Variants in GMPPA observed in about 807,000 individuals in gnomAD.
GMPPA encodes the protein GDP-mannose pyrophosphorylase A, also known as mannose-1-phosphate guanylyltransferase regulatory subunit alpha.
In GMPPA, 46 loss-of-function variants were observed where a neutral mutation model predicts 58.6. The observed-to-expected ratio is 0.78, with a 90% CI of 0.62 to 1.00. The LOEUF (loss-of-function observed/expected upper bound fraction) is 1.00. GMPPA is among the 50% of genes least tolerant of loss of function. The probability of loss-of-function intolerance (pLI) is 0.00; values close to 1 mark genes in which losing one functional copy is unlikely to be tolerated. For missense variants in GMPPA, 468 were observed against 556.4 expected (o/e 0.84, Z 1.60); for synonymous variants, 211 against 214.9 (o/e 0.98, Z 0.16).
In GMPPA at chr2:219,505,766, G is replaced by C. The variant is rs1694564593; in HGVS notation, c.900+5G>C. 1.3e-6 allele frequency: 2 copies of C among 1,598,996 alleles called. No individual in the cohort carries two copies. Among genetic ancestry groups the C allele is most frequent in the African/African-American group, 2.7e-5 (2 of 74,836 alleles). ...AAGGTGGCCCCCTCGGCTGTGGTGA[G>C]CACTGGTCCCAGCCCCAGGGAGGGA... is the stretch of plus-strand genomic sequence containing the variant. On this transcript the variant is annotated splice_donor_5th_base_variant and intron_variant, in intron 10 of 12. Coordinates refer to ENST00000313597, the MANE Select transcript of GMPPA (RefSeq NM_013335.4).
In GMPPA at chr2:219,501,565, T is replaced by A; in HGVS notation, c.228T>A (p.Phe76Leu). 1 of 1,606,466 alleles carries A rather than the reference T, an allele frequency of 6.2e-7. No homozygotes were observed. The highest frequency in any genetic ancestry group is 1.3e-5 in the African/African-American group (1 of 74,896). ...TCCTAGAAGCCGCCCAGCAGGAGTTTAACCTTCCAGTCAGGTGTTTGTGCA... is the reference window on the plus strand; with the variant it reads ...TCCTAGAAGCCGCCCAGCAGGAGTTAAACCTTCCAGTCAGGTGTTTGTGCA... ...TQFLEAAQQE[F>L]NLPVRYLQEF... is the part of the protein sequence containing the mutation. The change falls in exon 4 of 13, where the codon TTT becomes TTA. Residue 76 changes from phenylalanine to leucine, a missense_variant. Transcript: ENST00000313597.
In GMPPA at chr2:219,505,518, G is replaced by A. The variant is rs369505327; in HGVS notation, c.816G>A (p.Arg272=). 50 of 1,572,630 alleles carry A rather than the reference G, an allele frequency of 3.2e-5. No individual in the cohort carries two copies. In the Middle Eastern group the frequency reaches 5.0e-4, roughly 16 times the overall value. Residue 272 remains arginine, a synonymous_variant, in exon 9 of 13, where the codon CGG becomes CGA. Coordinates refer to ENST00000313597, the MANE Select transcript of GMPPA (RefSeq NM_013335.4). The stretch of plus-strand genomic sequence containing the variant: ...GATACCAGGACACTCACCCAGAACG[G>A]CTGGCCAAGCACACCCCAGGGGGCC... ...LSRYQDTHPE[R]LAKHTPGGPW... is the part of the protein sequence containing the mutation.
chr2:219,500,127 G>C lies in GMPPA; in HGVS notation c.47G>C (p.Arg16Pro). The C allele has an allele frequency of 6.2e-7, 1 of 1,604,980 alleles. No individual in the cohort carries two copies. The highest frequency in any genetic ancestry group is 8.5e-7 in the Non-Finnish European group (1 of 1,174,614). Residue 16 changes from arginine (R) to proline (P), a missense_variant, in exon 3 of 13, where the codon CGC becomes CCC. Coordinates refer to ENST00000313597, the MANE Select transcript of GMPPA (RefSeq NM_013335.4). ...CTCCTCTCTCCTCTCCCAGGAACTC[G>C]CTTCAGACCTTTGTCTTTTGAGGTG... is the stretch of plus-strand genomic sequence containing the variant. ...ILIGGPQKGT[R>P]FRPLSFEVPK...
chr2:219,502,455 G>C lies in GMPPA; in HGVS notation c.489+14G>C, dbSNP rs369333044. On this transcript the variant is annotated intron_variant, in intron 6 of 12. Transcript: ENST00000313597. The surrounding 1 kb of genome is among the most constrained non-coding windows in gnomAD (Gnocchi z 4.0). Reference sequence around the variant, plus strand: ...CAGACACACGAGGTGAGAGCAGAGTGGGGGCTGGGTGGGTGCCTACTCTGT... The same window carrying C: ...CAGACACACGAGGTGAGAGCAGAGTCGGGGCTGGGTGGGTGCCTACTCTGT... 15 of 1,609,370 alleles carry C rather than the reference G, an allele frequency of 9.3e-6. No individual in the cohort carries two copies. Among genetic ancestry groups the C allele is most frequent in the Non-Finnish European group, 1.2e-5 (14 of 1,175,834 alleles).
Position 219,506,833 on chromosome 2 carries a change from C to A in GMPPA, c.*35C>A. 2 of 997,912 alleles carry A rather than the reference C, an allele frequency of 2.0e-6. No homozygotes were observed. Among genetic ancestry groups the A allele is most frequent in the South Asian group, 1.3e-5 (1 of 77,922 alleles). 61.8% of individuals were successfully genotyped at this position (997,912 alleles called of 1,614,324 possible). A position where few individuals can be genotyped will look rare whatever the true frequency, so the allele number is the denominator to read the frequency against. On this transcript the variant is annotated 3_prime_UTR_variant, in exon 13 of 13. Coordinates refer to ENST00000313597, the MANE Select transcript of GMPPA (RefSeq NM_013335.4). ...CCAGAAGGCCCCCAGCTCCTACCCA[C>A]TCCCCTTGAGGCTGCTGCCTGCTTG...
intron 9 of GMPPA, 68 bp downstream of exon 9, chr2:219,505,623 C>A (rs1208077325): frequency 6.3e-7 from 1 of 1,578,158 alleles, no homozygotes; most frequent in Non-Finnish European, 8.7e-7. Flanking sequence ...GATTCTTGAC[C>A]TCGAGTCCAG....
In GMPPA at chr2:219,502,206, C is replaced by T. The variant is rs564566105; in HGVS notation, c.429+169C>T. On this transcript the variant is annotated intron_variant, in intron 5 of 12. Transcript: ENST00000313597. This position sits in a 1 kb window ranked among gnomAD's most constrained non-coding sequence, Gnocchi z 4.0. ...GGAGGTGTTAGTGGAGACCCCGAGCCCTCTGGCTGTTCAGAAGTAGGGAGG... is the reference window on the plus strand; with the variant it reads ...GGAGGTGTTAGTGGAGACCCCGAGCTCTCTGGCTGTTCAGAAGTAGGGAGG... Among the ~76,000 whole-genome samples the T allele has an allele frequency of 1.3e-5, 2 of 152,278 alleles. No individual in the cohort carries two copies. The highest frequency in any genetic ancestry group is 4.1e-4 in the South Asian group (2 of 4,824).
chr2:219,506,720 C>T lies in GMPPA; in HGVS notation c.1185C>T (p.Ala395=), dbSNP rs374165483. 1.2e-5 allele frequency: 20 copies of T among 1,603,536 alleles called. No homozygotes were observed. The highest frequency in any genetic ancestry group is 6.7e-5 in the East Asian group (3 of 44,838). ...TILGCRVRIP[A]EVLILNSIVL... ...CAGGCTGCCGAGTCCGGATCCCTGC[C>T]GAGGTGCTCATCCTGAACTCGATTG... Residue 395 remains alanine (A), a synonymous_variant, in exon 13 of 13, where the codon GCC becomes GCT. Coordinates refer to ENST00000313597, the MANE Select transcript of GMPPA (RefSeq NM_013335.4).
chr2:219,503,941 A>G, intron 6 of GMPPA, 142 bp from the exon 7 acceptor site: 1 of 808,998 alleles, frequency 1.2e-6, no homozygotes, highest in Non-Finnish European at 2.1e-6. Context: ...AGGCAGCAGT[A>G]GGATGCGGAT....
At chr2:219,499,714 C>CA (rs2125623020) in intron 1 of GMPPA, 1 of 577,808 alleles carries the variant, frequency 1.7e-6, no homozygotes, top group East Asian at 2.9e-5. Flanking sequence ...TTTGGGTTTA[C>CA]ATCTTGGGGG....
In GMPPA at chr2:219,504,194, A is replaced by C. The variant is rs763808325; in HGVS notation, c.601A>C (p.Asn201His). 3.6e-5 allele frequency: 58 copies of C among 1,613,960 alleles called. No individual in the cohort carries two copies. Among genetic ancestry groups the C allele is most frequent in the Non-Finnish European group, 4.7e-5 (56 of 1,179,970 alleles). Reference protein sequence around the residue: ...LKPLRDVFQRNQQDGQLEDSP... With the variant: ...LKPLRDVFQRHQQDGQLEDSP... ...GCCTCTTCGGGATGTCTTCCAGCGT[A>C]ATCAGCAGGATGGGCAATTGTGAGG... Residue 201 changes from asparagine to histidine, a missense_variant, in exon 7 of 13, where the codon AAT becomes CAT. By Grantham distance (68) the Asn-to-His change is moderately conservative. Coordinates refer to ENST00000313597, the MANE Select transcript of GMPPA (RefSeq NM_013335.4).
chr2:219,502,461 T>C lies in GMPPA; in HGVS notation c.489+20T>C, dbSNP rs1376944669. ...CACGAGGTGAGAGCAGAGTGGGGGC[T>C]GGGTGGGTGCCTACTCTGTGTCATC... is the stretch of plus-strand genomic sequence containing the variant. On this transcript the variant is annotated intron_variant, in intron 6 of 12. Transcript: ENST00000313597. This position sits in a 1 kb window ranked among gnomAD's most constrained non-coding sequence, Gnocchi z 4.0. 5 of 1,603,258 alleles carry C rather than the reference T, an allele frequency of 3.1e-6. No individual in the cohort carries two copies. The Admixed American group carries it at 8.3e-5, about 27-fold the overall frequency.
rs1221328855 is a variant in GMPPA, at chr2:219,506,913, G to A, written c.*115G>A. ...AAGCCAGGCTGGATCGTCACATGCCGGGGAGCAATGTGGATGGCCTGGGGA... is the reference window on the plus strand; with the variant it reads ...AAGCCAGGCTGGATCGTCACATGCCAGGGAGCAATGTGGATGGCCTGGGGA... On this transcript the variant is annotated 3_prime_UTR_variant, in exon 13 of 13. Coordinates refer to ENST00000313597, the MANE Select transcript of GMPPA (RefSeq NM_013335.4). 19 of 661,018 alleles carry A rather than the reference G, an allele frequency of 2.9e-5. No homozygotes were observed. The highest frequency in any genetic ancestry group is 1.9e-4 in the South Asian group (11 of 58,720). The allele number at this position is 661,018 out of a possible 1,614,324, so 40.9% of individuals were successfully genotyped here.
chr2:219,504,953 AAAATGGGGGGAACTCCTTATGG>A (rs2125638530), intron 7 of GMPPA: 2 of 995,320 alleles, frequency 2.0e-6, no homozygotes, highest in South Asian at 2.5e-5. Context: ...TGAGAATGTG[AAAATGGGGGGAACTCCTTATGG>A]AAATGGGGCA....
Position 219,506,313 on chromosome 2 carries a change from C to A in GMPPA, c.1053C>A (p.Ala351=). ...GGGGGAGCACCGTGGGACGCTGGGCCCGCGTGGAGGGTACCCCCAGTGACC... is the reference window on the plus strand; with the variant it reads ...GGGGGAGCACCGTGGGACGCTGGGCACGCGTGGAGGGTACCCCCAGTGACC... The part of the protein sequence containing the change: ...VGWGSTVGRW[A]RVEGTPSDPN... The change falls in exon 12 of 13, where the codon GCC becomes GCA. Residue 351 remains alanine (A), a synonymous_variant. Transcript: ENST00000313597. 4.3e-6 allele frequency: 7 copies of A among 1,613,792 alleles called. No homozygotes were observed. The highest frequency in any genetic ancestry group is 5.1e-6 in the Non-Finnish European group (6 of 1,179,880).
intron 1 of GMPPA, 163 bp from the exon 2 acceptor site, chr2:219,499,793 C>A (rs1456847183): frequency 4.8e-6 from 3 of 624,224 alleles, no homozygotes; most frequent in African/African-American, 3.9e-5. Flanking sequence ...GATTTCTCTG[C>A]TGGGATTTGA....
intron 12 of GMPPA, 107 bp downstream of exon 12, chr2:219,506,529 A>AC: frequency 8.2e-7 from 1 of 1,212,300 alleles, no homozygotes; most frequent in Non-Finnish European, 1.2e-6. Flanking sequence ...CTTTTAGCAA[A>AC]CAGTTACCAA....
intron 6 of GMPPA, 48 bp from the exon 7 acceptor site, chr2:219,504,035 G>A (rs1396413390): frequency 1.2e-6 from 2 of 1,605,798 alleles, no homozygotes; most frequent in African/African-American, 2.7e-5. Flanking sequence ...TTAGGGGACT[G>A]TGGCGGTAGT....
chr2:219,505,094 G>A (rs1694528816), intron 7 of GMPPA, 134 bp from the exon 8 acceptor site: 1 of 1,065,380 alleles, frequency 9.4e-7, no homozygotes. Context: ...CCCAGAGAGG[G>A]CCGAACCAGA....
Sources: gnomAD v4.1 joint callset for allele counts (sites outside exome capture counted in the v4.1 genomes callset) on GRCh38, gnomAD v4.1.1 for gene constraint, Gnocchi (gnomAD v3.1) non-coding constraint, MANE v1.5 for transcripts, NCBI Gene and HGNC (gene_info 2026-07-23, HGNC 2026-07-21) for gene names.